Variants in CDH23 observed in about 807,000 individuals in gnomAD.
CDH23 encodes the protein cadherin-23.
In CDH23, 189 loss-of-function variants were observed where a neutral mutation model predicts 317.1. That is an observed-to-expected ratio of 0.60 (90% CI 0.53 to 0.67). The LOEUF (loss-of-function observed/expected upper bound fraction) is 0.67, where lower values mean the gene tolerates loss of function less well. CDH23 is among the 30% of genes least tolerant of loss of function. The pLI, the probability that CDH23 is intolerant of heterozygous loss-of-function variation, is 0.00. For synonymous variants in CDH23, 1,839 were observed against 1,876.8 expected, an observed-to-expected ratio of 0.98 and a Z score of 0.52; for missense variants, 4,401 against 4,592.4, an observed-to-expected ratio of 0.96 and a Z score of 1.20.
At chr10:71,813,159 T>C in intron 68 of CDH23, 85 bp from the exon 69 acceptor site, 1 of 1,303,194 alleles carries the variant, frequency 7.7e-7, no homozygotes, top group South Asian at 1.3e-5. Flanking sequence ...GATGTCCGTG[T>C]ACCCCTTACT....
chr10:71,402,745 G>GTGTGTGCA (rs1554820918), intron 1 of CDH23, among the ~76,000 whole-genome samples: 1 of 147,036 alleles, frequency 6.8e-6, no homozygotes, highest in African/African-American at 2.5e-5. Flanking sequence ...GTGTGTGTGT[G>GTGTGTGCA]CACGCGCGCG....
Position 71,566,865 on chromosome 10 carries a change from G to A in CDH23, c.553G>A (p.Gly185Ser), listed in dbSNP as rs375465342. 3.1e-6 allele frequency: 5 copies of A among 1,613,800 alleles called. No homozygotes were observed. The highest frequency in any genetic ancestry group is 4.5e-5 in the East Asian group (2 of 44,884). Residue 185 changes from glycine to serine, a missense_variant, in exon 7 of 70, where the codon GGT becomes AGT. By Grantham distance (56) the Gly-to-Ser change is moderately conservative (BLOSUM62 0). Around this residue, in one of 3 missense-constraint regions of CDH23, gnomAD observed 3,068 missense variants for 3,203.3 expected, o/e 0.96. Coordinates refer to ENST00000224721, the MANE Select transcript of CDH23 (RefSeq NM_022124.6). ...ATTCTTCGCCATTGACAGCGCCCGC[G>A]GTATCGTCACAGTGATCCGGGAGCT... ...SQFFAIDSAR[G>S]IVTVIRELDY...
At chr10:71,444,795 G>A (rs1230193691) in intron 2 of CDH23, among the ~76,000 whole-genome samples, 7 of 152,196 alleles carry the variant, frequency 4.6e-5, no homozygotes, top group Admixed American at 3.9e-4. Flanking sequence ...CGGGTCAGCA[G>A]AAAGGAAGGG....
intron 60 of CDH23, among the ~76,000 whole-genome samples, chr10:71,808,847 T>G (rs916005041): frequency 3.9e-5 from 6 of 152,184 alleles, no homozygotes; most frequent in African/African-American, 1.2e-4. Context: ...CATTCTCCCC[T>G]GGCCTTTGAC....
intron 38 of CDH23, chr10:71,760,825 A>C: frequency 6.3e-7 from 1 of 1,583,036 alleles, no homozygotes; most frequent in Non-Finnish European, 8.7e-7. Flanking sequence ...TGAGGACAGA[A>C]GAAAACAGAG....
chr10:71,669,025 G>A (rs1360611610), intron 14 of CDH23, among the ~76,000 whole-genome samples: 1 of 152,224 alleles, frequency 6.6e-6, no homozygotes. Flanking sequence ...TCAGGCACTA[G>A]GGAGCAGCCA....
intron 14 of CDH23, among the ~76,000 whole-genome samples, chr10:71,662,761 C>G (rs912426482): frequency 2.6e-5 from 4 of 152,210 alleles, no homozygotes; most frequent in African/African-American, 9.7e-5. Flanking sequence ...CTCCCTTGCC[C>G]CTTCCCTGGG....
chr10:71,515,040 G>C (rs2132213603), intron 6 of CDH23, among the ~76,000 whole-genome samples: 1 of 152,282 alleles, frequency 6.6e-6, no homozygotes, highest in East Asian at 1.9e-4. Flanking sequence ...CACCCCCTCA[G>C]CCCTCCAGTG....
intron 11 of CDH23, among the ~76,000 whole-genome samples, chr10:71,619,660 C>T (rs942156298): frequency 9.2e-5 from 14 of 152,188 alleles, no homozygotes; most frequent in Non-Finnish European, 1.5e-4. Context: ...CCTAGGGCTG[C>T]ACCCAGAGGC....
At chr10:71,625,779 G>A (rs1861705275) in intron 11 of CDH23, among the ~76,000 whole-genome samples, 1 of 152,216 alleles carries the variant, frequency 6.6e-6, no homozygotes, top group African/African-American at 2.4e-5. Flanking sequence ...CAGTCCAGGA[G>A]TTCTCAGCCC....
intron 1 of CDH23, among the ~76,000 whole-genome samples, chr10:71,432,907 A>G (rs1404637274): frequency 6.6e-6 from 1 of 152,118 alleles, no homozygotes; most frequent in Non-Finnish European, 1.5e-5. Flanking sequence ...GGACCCTCCC[A>G]GCTCCCAGAG....
intron 3 of CDH23, among the ~76,000 whole-genome samples, chr10:71,504,034 T>G (rs763977049): frequency 1.4e-5 from 2 of 147,094 alleles, no homozygotes; most frequent in African/African-American, 5.2e-5. Flanking sequence ...ATTTAAGGTT[T>G]TTTTTTTTTA....
chr10:71,806,547 TACAC>T (rs1213790702), intron 57 of CDH23, among the ~76,000 whole-genome samples: 1 of 148,712 alleles, frequency 6.7e-6, no homozygotes, highest in African/African-American at 2.5e-5. Flanking sequence ...CACACACACA[TACAC>T]ACACACAAAG....
chr10:71,735,388 G>A (rs75050822), intron 34 of CDH23, among the ~76,000 whole-genome samples: 3 of 152,276 alleles, frequency 2.0e-5, no homozygotes, highest in East Asian at 1.9e-4. Context: ...TAGAAGAGGC[G>A]GCCCGGCCTG....
intron 3 of CDH23, among the ~76,000 whole-genome samples, chr10:71,502,717 T>G (rs1182180215): frequency 6.6e-6 from 1 of 152,114 alleles, no homozygotes. Context: ...AGGAATTCGT[T>G]TTCATTCTCT....
intron 6 of CDH23, among the ~76,000 whole-genome samples, chr10:71,513,248 A>G (rs1015408340): frequency 3.3e-5 from 5 of 152,090 alleles, no homozygotes; most frequent in Non-Finnish European, 7.4e-5. Context: ...GGGATGTGGT[A>G]TCAGCTGGAC....
intron 6 of CDH23, among the ~76,000 whole-genome samples, chr10:71,512,867 C>A (rs996794883): frequency 2.0e-5 from 3 of 152,158 alleles, no homozygotes; most frequent in African/African-American, 7.2e-5. Context: ...TGGCTCTGAG[C>A]CAGGCTGTCA....
chr10:71,488,333 G>A (rs1049716026), intron 3 of CDH23, among the ~76,000 whole-genome samples: 2 of 152,200 alleles, frequency 1.3e-5, no homozygotes, highest in African/African-American at 4.8e-5. Context: ...GTAAATTTGG[G>A]TACAGCTCCT....
chr10:71,657,801 T>C (rs995797997), intron 14 of CDH23, among the ~76,000 whole-genome samples: 59 of 150,814 alleles, frequency 3.9e-4, no homozygotes, highest in African/African-American at 1.4e-3. Context: ...GACCTGAGAC[T>C]CCAGCTGTGC....
Sources: gnomAD v4.1 joint callset for allele counts (sites outside exome capture counted in the v4.1 genomes callset) on GRCh38, gnomAD v4.1.1 for gene constraint, gnomAD v4.1.1 regional missense constraint, MANE v1.5 for transcripts, NCBI Gene and HGNC (gene_info 2026-07-23, HGNC 2026-07-21) for gene names.